Variants in FNDC3B observed in about 807,000 individuals in gnomAD.
The protein encoded by FNDC3B is fibronectin type III domain-containing protein 3B.
In FNDC3B, 12 loss-of-function variants were observed where a neutral mutation model predicts 151.5. The ratio of observed to expected loss-of-function variants is 0.08; its 90% confidence interval spans 0.05 to 0.13. The LOEUF (loss-of-function observed/expected upper bound fraction) is 0.13. Ranked by LOEUF, FNDC3B falls within the 10% of genes least tolerant of loss-of-function variation. The probability of loss-of-function intolerance (pLI) is 1.00; values close to 1 mark genes in which losing one functional copy is unlikely to be tolerated. For missense variants in FNDC3B, 1,214 were observed against 1,505.3 expected, an observed-to-expected ratio of 0.81 and a Z score of 3.20; for synonymous variants, 528 against 549.0, an observed-to-expected ratio of 0.96 and a Z score of 0.54.
At position 172,061,393 on chromosome 3, in the gene FNDC3B, C is replaced by T. The variant is rs527441961; in HGVS notation, c.-29+21622C>T. Among the ~76,000 whole-genome samples, 5 of 152,062 alleles carry T rather than the reference C, an allele frequency of 3.3e-5. No homozygotes were observed. In the East Asian group the frequency reaches 5.8e-4, roughly 18 times the overall value. ...GATTACAGGTGCCCGCCACCAAGCC[C>T]GGCTATTTTTTTTTATGTTTAGTAG... On this transcript the variant is annotated intron_variant, in intron 1 of 25. Coordinates refer to ENST00000415807, the MANE Select transcript of FNDC3B (RefSeq NM_022763.4).
intron 3 of FNDC3B, among the ~76,000 whole-genome samples, chr3:172,193,108 GCCTC>G (rs10631610): frequency 6.0e-5 from 6 of 99,714 alleles, no homozygotes; most frequent in African/African-American, 1.3e-4. Flanking sequence ...GTCATAGCCA[GCCTC>G]CCTCCCTCCC....
At chr3:172,257,486 T>C (rs1728410400) in intron 6 of FNDC3B, among the ~76,000 whole-genome samples, 1 of 151,974 alleles carries the variant, frequency 6.6e-6, no homozygotes, top group South Asian at 2.1e-4. Context: ...ATGAGCACAT[T>C]GCCTCTCTTT....
chr3:172,184,779 T>C (rs1241667227), intron 3 of FNDC3B, among the ~76,000 whole-genome samples: 1 of 152,186 alleles, frequency 6.6e-6, no homozygotes, highest in Non-Finnish European at 1.5e-5. Context: ...CTTTTGGAAT[T>C]TTCCTTTTCC....
chr3:172,388,205 G>A (rs1735819243), intron 25 of FNDC3B, among the ~76,000 whole-genome samples: 1 of 152,174 alleles, frequency 6.6e-6, no homozygotes, highest in Admixed American at 6.5e-5. Flanking sequence ...CAGCAGCCGA[G>A]TATGCACTGT....
intron 2 of FNDC3B, among the ~76,000 whole-genome samples, chr3:172,125,774 T>C (rs1004920191): frequency 2.0e-5 from 3 of 152,224 alleles, no homozygotes; most frequent in Non-Finnish European, 2.9e-5. Flanking sequence ...AATCTCTCGC[T>C]TCTACTTTTC....
intron 6 of FNDC3B, among the ~76,000 whole-genome samples, chr3:172,258,871 A>G (rs989196616): frequency 9.2e-5 from 14 of 152,216 alleles, no homozygotes; most frequent in African/African-American, 2.7e-4. Flanking sequence ...CACAAGTGGC[A>G]GATTTCCTCT....
chr3:172,054,631 C>T (rs1716824484), intron 1 of FNDC3B, among the ~76,000 whole-genome samples: 2 of 152,200 alleles, frequency 1.3e-5, no homozygotes, highest in African/African-American at 4.8e-5. Context: ...ATTGTTTCCA[C>T]AGAATGGTGA....
chr3:172,365,122 A>C (rs1175643403), intron 23 of FNDC3B, among the ~76,000 whole-genome samples: 7 of 152,192 alleles, frequency 4.6e-5, no homozygotes, highest in Non-Finnish European at 1.5e-5. Flanking sequence ...CATGGGTATC[A>C]AGGAGAAACA....
chr3:172,366,707 A>G (rs1270043732), intron 23 of FNDC3B, among the ~76,000 whole-genome samples: 4 of 152,176 alleles, frequency 2.6e-5, no homozygotes, highest in Non-Finnish European at 4.4e-5. Context: ...GTATAGAGGG[A>G]AAATTGAAGA....
chr3:172,238,300 A>C (rs58344363), intron 4 of FNDC3B, among the ~76,000 whole-genome samples: 23,478 of 152,050 alleles, frequency 0.15, 2,024 homozygotes, highest in African/African-American at 0.23. Context: ...GGATGACAGG[A>C]CCGTGCCAGC....
intron 7 of FNDC3B, among the ~76,000 whole-genome samples, chr3:172,293,462 G>A (rs1343504305): frequency 6.6e-6 from 1 of 152,162 alleles, no homozygotes; most frequent in Non-Finnish European, 1.5e-5. Flanking sequence ...TATTTCCCTA[G>A]ATTTTTTATT....
At chr3:172,362,224 T>A (rs1013102754) in intron 22 of FNDC3B, among the ~76,000 whole-genome samples, 2 of 152,196 alleles carry the variant, frequency 1.3e-5, no homozygotes, top group African/African-American at 2.4e-5. Flanking sequence ...GTCCTGTGTT[T>A]TTGACTCTGA....
intron 3 of FNDC3B, among the ~76,000 whole-genome samples, chr3:172,162,038 G>A (rs1457958199): frequency 1.3e-5 from 2 of 151,396 alleles, no homozygotes; most frequent in African/African-American, 4.9e-5. Flanking sequence ...GGGCAGTGGT[G>A]TGATCTCGGC....
intron 6 of FNDC3B, among the ~76,000 whole-genome samples, chr3:172,260,882 T>C (rs893784581): frequency 1.3e-5 from 2 of 152,176 alleles, no homozygotes; most frequent in Non-Finnish European, 2.9e-5. Context: ...GCCTGCTTGA[T>C]TCTGTTTGAA....
At chr3:172,154,410 T>C (rs1722384459) in intron 3 of FNDC3B, among the ~76,000 whole-genome samples, 2 of 152,136 alleles carry the variant, frequency 1.3e-5, no homozygotes, top group African/African-American at 4.8e-5. Context: ...GAGACGGGGT[T>C]TCACCATGTT....
Position 172,056,190 on chromosome 3 carries a change from G to C in FNDC3B, c.-29+16419G>C, listed in dbSNP as rs73165323. On this transcript the variant is annotated intron_variant, in intron 1 of 25. Transcript: ENST00000415807. The stretch of plus-strand genomic sequence containing the variant: ...ATTCTAGCCTGATGTCAGACGTCCT[G>C]CTTGGCAGACTAATGAAGGACTTTT... Among the ~76,000 whole-genome samples, 688 of 151,992 alleles carry C rather than the reference G, an allele frequency of 4.5e-3. 4 individuals are homozygous for C. Among genetic ancestry groups the C allele is most frequent in the Middle Eastern group, 0.031 (9 of 292 alleles).
intron 3 of FNDC3B, among the ~76,000 whole-genome samples, chr3:172,170,958 C>T (rs897905512): frequency 6.6e-6 from 1 of 152,156 alleles, no homozygotes; most frequent in Non-Finnish European, 1.5e-5. Context: ...TAAGATAAAA[C>T]CTTTGTGTTC....
chr3:172,159,211 G>A lies in FNDC3B; in HGVS notation c.187+25665G>A, dbSNP rs375925839. On this transcript the variant is annotated intron_variant, in intron 3 of 25. Coordinates refer to ENST00000415807, the MANE Select transcript of FNDC3B (RefSeq NM_022763.4). ...GGAGAATCCCTTGAACCTGGGAGGCGGAGGTTGCAGTGAGCCAGGATCGCA... is the reference window on the plus strand; with the variant it reads ...GGAGAATCCCTTGAACCTGGGAGGCAGAGGTTGCAGTGAGCCAGGATCGCA... Among the ~76,000 whole-genome samples, 58 of 152,296 alleles carry A rather than the reference G, an allele frequency of 3.8e-4. No homozygotes were observed. The South Asian group carries it at 8.7e-3, about 23-fold the overall frequency.
At chr3:172,194,599 G>C (rs1001445553) in intron 3 of FNDC3B, among the ~76,000 whole-genome samples, 1 of 152,146 alleles carries the variant, frequency 6.6e-6, no homozygotes, top group African/African-American at 2.4e-5. Context: ...ATATAATTAT[G>C]ACATAGATCA....
Sources: allele counts gnomAD v4.1 joint callset (sites outside exome capture counted in the v4.1 genomes callset), GRCh38; gene constraint gnomAD v4.1.1; transcripts MANE v1.5; gene names NCBI Gene and HGNC (gene_info 2026-07-23, HGNC 2026-07-21).